The following SORBS2 variants were observed in gnomAD, a reference collection of about 807,000 sequenced individuals.
SORBS2 encodes the protein sorbin and SH3 domain-containing protein 2.
SORBS2 carries 46 observed loss-of-function variants against 97.7 expected under a neutral mutation model. The ratio of observed to expected loss-of-function variants is 0.47; its 90% CI spans 0.37 to 0.60. The LOEUF (loss-of-function observed/expected upper bound fraction) is 0.60. Among genes scored for constraint, SORBS2 ranks in the 20% least tolerant of loss-of-function variants. SORBS2 has a pLI of 0.00. For missense variants in SORBS2, 1,316 were observed against 1,282.3 expected (o/e 1.03, Z -0.40); for synonymous variants, 476 against 473.4 (o/e 1.01, Z -0.07).
At chr4:185,638,460 A>G (rs2097063177) in intron 4 of SORBS2, among the ~76,000 whole-genome samples, 1 of 152,110 alleles carries the variant, frequency 6.6e-6, no homozygotes, top group Non-Finnish European at 1.5e-5. Context: ...GGCATGAACT[A>G]TGGACCACTC....
intron 1 of SORBS2, among the ~76,000 whole-genome samples, chr4:185,879,261 C>T (rs2099235626): frequency 1.4e-5 from 2 of 146,066 alleles, no homozygotes; most frequent in East Asian, 2.0e-4. Flanking sequence ...TGAGTGAGAA[C>T]ATGCGGTGTT....
At chr4:185,755,846 T>G (rs761107457) in intron 2 of SORBS2, among the ~76,000 whole-genome samples, 5 of 152,230 alleles carry the variant, frequency 3.3e-5, no homozygotes, top group Admixed American at 2.6e-4. Flanking sequence ...TAAAATCTAA[T>G]GTTTGTTCAT....
At chr4:185,821,630 A>G (rs12511831) in intron 1 of SORBS2, among the ~76,000 whole-genome samples, 66,489 of 151,764 alleles carry the variant, frequency 0.44, 15,140 homozygotes, top group Middle Eastern at 0.53. Flanking sequence ...CGCCATGTTG[A>G]CCAGGCTGGT....
At chr4:185,750,987 A>G (rs1253791627) in intron 2 of SORBS2, among the ~76,000 whole-genome samples, 7 of 149,450 alleles carry the variant, frequency 4.7e-5, no homozygotes, top group Non-Finnish European at 1.0e-4. Flanking sequence ...TTAGCGATCC[A>G]AAAAAAATTT....
At chr4:185,919,953 A>G (rs2099260202) in intron 1 of SORBS2, among the ~76,000 whole-genome samples, 1 of 152,240 alleles carries the variant, frequency 6.6e-6, no homozygotes, top group South Asian at 2.1e-4. Context: ...ATACAAAACA[A>G]TTAGTTGTTA....
chr4:185,830,209 G>C (rs2099204380), intron 1 of SORBS2, among the ~76,000 whole-genome samples: 1 of 152,074 alleles, frequency 6.6e-6, no homozygotes, highest in Non-Finnish European at 1.5e-5. Flanking sequence ...ACATTGAATG[G>C]TGCTTAGGAA....
At chr4:185,780,331 A>T (rs116117278) in intron 1 of SORBS2, among the ~76,000 whole-genome samples, 1,549 of 152,230 alleles carry the variant, frequency 0.01, 30 homozygotes, top group African/African-American at 0.035. Flanking sequence ...AACACCTTTT[A>T]TGCTTGTCTG....
intron 2 of SORBS2, among the ~76,000 whole-genome samples, chr4:185,742,407 A>C (rs991793959): frequency 5.9e-5 from 9 of 152,200 alleles, no homozygotes; most frequent in Admixed American, 5.9e-4. Context: ...CACCTGCTTC[A>C]TAGATTGTTC....
chr4:185,648,293 G>A (rs1384247056), intron 3 of SORBS2, among the ~76,000 whole-genome samples: 1 of 152,060 alleles, frequency 6.6e-6, no homozygotes, highest in Non-Finnish European at 1.5e-5. Context: ...CAAGGTGGGT[G>A]GATCACGAGG....
intron 2 of SORBS2, among the ~76,000 whole-genome samples, chr4:185,717,953 A>G (rs2098479653): frequency 6.6e-6 from 1 of 152,170 alleles, no homozygotes; most frequent in Non-Finnish European, 1.5e-5. Context: ...GAAATCATAT[A>G]TGTATGGCCG....
chr4:185,922,768 T>A (rs2099261508), intron 1 of SORBS2, among the ~76,000 whole-genome samples: 1 of 152,220 alleles, frequency 6.6e-6, no homozygotes, highest in Non-Finnish European at 1.5e-5. Context: ...GATTACAGAA[T>A]GGTTTCATTT....
intron 1 of SORBS2, among the ~76,000 whole-genome samples, chr4:185,806,405 C>G (rs1020105238): frequency 2.0e-5 from 3 of 148,874 alleles, no homozygotes; most frequent in African/African-American, 7.5e-5. Flanking sequence ...AGAGGATCTT[C>G]ACGAGTGGCA....
chr4:185,762,661 T>G lies in SORBS2; in HGVS notation c.-198+12566A>C, dbSNP rs368150873. On this transcript the variant is annotated intron_variant, in intron 2 of 20. Transcript: ENST00000284776. ...TAATCTAAAAGACTTGTCTCCACATTTGTTTCCAATACCGCTTTATGTTAA... is the reference window on the plus strand; with the variant it reads ...TAATCTAAAAGACTTGTCTCCACATGTGTTTCCAATACCGCTTTATGTTAA... 2.3e-4 allele frequency among the ~76,000 whole-genome samples: 35 copies of G among 152,312 alleles called. No individual in the cohort carries two copies. The East Asian group carries it at 3.3e-3, about 14-fold the overall frequency.
chr4:185,643,225 A>T (rs987916325), intron 4 of SORBS2, among the ~76,000 whole-genome samples: 1 of 152,164 alleles, frequency 6.6e-6, no homozygotes, highest in Non-Finnish European at 1.5e-5. Flanking sequence ...GACCTGGAGG[A>T]TGGGATAGAA....
intron 2 of SORBS2, among the ~76,000 whole-genome samples, chr4:185,652,308 C>T (rs769057397): frequency 4.6e-5 from 7 of 152,186 alleles, no homozygotes; most frequent in South Asian, 4.1e-4. Flanking sequence ...CAGGCAGACC[C>T]GCGCAGGCTC....
chr4:185,594,038 T>C (rs1484002874), intron 12 of SORBS2, 103 bp from the exon 25 acceptor site: 2 of 776,874 alleles, frequency 2.6e-6, no homozygotes, highest in Non-Finnish European at 4.3e-6. Flanking sequence ...TAATATTTCC[T>C]GTTGTAAAAA....
intron 1 of SORBS2, among the ~76,000 whole-genome samples, chr4:185,832,000 T>C (rs906928312): frequency 3.1e-4 from 47 of 152,362 alleles, no homozygotes; most frequent in African/African-American, 9.4e-4. Flanking sequence ...TGTTAAATAG[T>C]ATTACCAGTA....
In SORBS2 at chr4:185,626,930, C is replaced by T. The variant is rs143318227; in HGVS notation, c.536G>A (p.Ser179Asn). Residue 179 changes from serine to asparagine, a missense_variant, in exon 6 of 15, where the codon AGC (serine) becomes AAC (asparagine). By Grantham distance (46) the Ser-to-Asn change is conservative. Coordinates refer to ENST00000418609, the Ensembl canonical transcript of SORBS2. ...GTCCACTCGGCCTGGGCTAGTCCTG[C>T]TCGCACTTTGATCTCCCAAGCCCCG... 603 of 1,614,192 alleles carry T rather than the reference C, an allele frequency of 3.7e-4. 11 individuals carry two copies. The East Asian group carries it at 0.012, about 33-fold the overall frequency.
intron 13 of SORBS2, among the ~76,000 whole-genome samples, chr4:185,592,395 G>A (rs985576377): frequency 3.3e-5 from 5 of 152,146 alleles, no homozygotes; most frequent in African/African-American, 1.2e-4. Context: ...TAAACACTTT[G>A]AAAGCTGTTT....
Sources: allele counts gnomAD v4.1 joint callset (sites outside exome capture counted in the v4.1 genomes callset), GRCh38; gene constraint gnomAD v4.1.1; transcripts MANE v1.5; gene names NCBI Gene and HGNC (gene_info 2026-07-23, HGNC 2026-07-21).